Variants in SULT1A1 observed in about 807,000 individuals in gnomAD.
SULT1A1 encodes sulfotransferase family 1A member 1.
A neutral mutation model predicts 36.8 loss-of-function variants in SULT1A1; 35 were observed. The observed-to-expected ratio is 0.95, with a 90% CI of 0.73 to 1.26. SULT1A1 has a LOEUF of 1.26. SULT1A1 is among the 50% of genes most tolerant of loss of function. SULT1A1 has a pLI of 0.00. For missense variants in SULT1A1, 309 were observed against 383.0 expected (o/e 0.81, Z 1.61); for synonymous variants, 119 against 146.0 (o/e 0.82, Z 1.33).
At chr16:28,610,606 A>G (rs2047414742), upstream of SULT1A1, 1 of 192,014 alleles carries the variant, frequency 5.2e-6, no homozygotes, top group South Asian at 7.9e-5. Context: ...TGCATAGAAC[A>G]AGAAAGAACA....
chr16:28,607,032 A>G lies in SULT1A1; in HGVS notation c.418T>C (p.Tyr140His). The G allele has an allele frequency of 6.2e-7, 1 of 1,612,554 alleles. No individual in the cohort carries two copies. The change falls in exon 5 of 8, where the codon TAC becomes CAC. Residue 140 changes from tyrosine to histidine, a missense_variant. Tyr to His is a moderately conservative substitution (Grantham distance 83). Transcript: ENST00000314752. ...RNAKDVAVSY[Y>H]HFYHMAKVHP... is the part of the protein sequence containing the mutation. ...ACCTTGGCCATGTGGTAGAAGTGGTAGTAGGAAACTGCCACATCCTTTGCG... is the reference window on the plus strand; with the variant it reads ...ACCTTGGCCATGTGGTAGAAGTGGTGGTAGGAAACTGCCACATCCTTTGCG...
intron 1 of SULT1A1, chr16:28,609,263 AC>A: frequency 1.6e-6 from 2 of 1,246,442 alleles, no homozygotes; most frequent in Non-Finnish European, 2.1e-6. Context: ...TCCTGCTGGG[AC>A]CCCCAGCCTC....
At chr16:28,618,736 C>G (rs1466405869) in intron 2 of SULT1A1, among the ~76,000 whole-genome samples, 2 of 152,166 alleles carry the variant, frequency 1.3e-5, no homozygotes, top group Non-Finnish European at 2.9e-5. Context: ...CCCTTGGAAA[C>G]CTTCTCCTTC....
rs1298443872 is a variant in SULT1A1 at position 28,606,626 on chromosome 16, G to A, written c.594+135C>T. On this transcript the variant is annotated intron_variant, in intron 6 of 7. Transcript: ENST00000314752. ...GTGGGGCCTTAGTGGGGAGGCCTGG[G>A]CCAAGAAGGCAGGATGGGGAATCTG... 2.8e-6 allele frequency: 4 copies of A among 1,403,714 alleles called. No homozygotes were observed. In the South Asian group the frequency reaches 5.4e-5, roughly 19 times the overall value. The allele number at this position is 1,403,714 out of a possible 1,614,324, so 87.0% of individuals were successfully genotyped here. A position where few individuals can be genotyped will look rare whatever the true frequency, so the allele number is the denominator to read the frequency against.
upstream of SULT1A1, chr16:28,610,875 C>G (rs1484722188): frequency 6.6e-6 from 1 of 152,246 alleles, no homozygotes; most frequent in Non-Finnish European, 1.5e-5. Context: ...TCAAGCTGTG[C>G]ACGAGACAGG....
rs180689861 is a variant in SULT1A1 at position 28,608,508 on chromosome 16, G to A, written c.244C>T (p.Leu82Phe). The A allele has an allele frequency of 6.2e-7, 1 of 1,612,472 alleles. No individual in the cohort carries two copies. The change falls in exon 3 of 8, where the codon CTT (leucine) becomes TTT (phenylalanine). Residue 82 changes from leucine (L) to phenylalanine (F), a missense_variant. Around this residue, in one of 3 missense-constraint regions of SULT1A1, gnomAD observed 219 missense variants for 215.3 expected, o/e 1.02. Coordinates refer to ENST00000314752, the MANE Select transcript of SULT1A1 (RefSeq NM_001055.4). ...GGAATCCCTGGGGCTTTGAACTCAA[G>A]GAAGGGCACCCGCATGAAGATGGGA... is the stretch of plus-strand genomic sequence containing the variant. ...RAPIFMRVPFLEFKAPGIPSG... is the reference protein window; with the variant it reads ...RAPIFMRVPFFEFKAPGIPSG...
exon 2 of SULT1A1, chr16:28,620,069 G>A (rs1320889286): frequency 1.2e-6 from 2 of 1,612,104 alleles, no homozygotes; most frequent in African/African-American, 1.3e-5. Flanking sequence ...TTACCATATA[G>A]GTGTTCCAGA....
rs375616347 is a variant in SULT1A1, at chr16:28,608,517, C to T, written c.235G>A (p.Val79Met). Reference protein sequence around the residue: ...KCHRAPIFMRVPFLEFKAPGI... With the variant: ...KCHRAPIFMRMPFLEFKAPGI... The stretch of plus-strand genomic sequence containing the variant: ...GGGGCTTTGAACTCAAGGAAGGGCA[C>T]CCGCATGAAGATGGGAGCTCGGTGA... The change falls in exon 3 of 8, where the codon GTG becomes ATG. Residue 79 changes from valine to methionine, a missense_variant. By Grantham distance (21) the Val-to-Met change is conservative (BLOSUM62 1). This residue lies in a region of SULT1A1 where 219 missense variants were observed against 215.3 expected (regional missense o/e 1.02). Coordinates refer to ENST00000314752, the MANE Select transcript of SULT1A1 (RefSeq NM_001055.4). 1.3e-4 allele frequency: 209 copies of T among 1,612,342 alleles called. 5 individuals carry two copies. The highest frequency in any genetic ancestry group is 1.6e-4 in the Non-Finnish European group (193 of 1,178,700).
upstream of SULT1A1, chr16:28,610,302 C>G: frequency 1.0e-6 from 1 of 966,838 alleles, no homozygotes; most frequent in African/African-American, 2.0e-5. Flanking sequence ...CGAGCTGTCA[C>G]TGGGCTCCTG....
chr16:28,609,310 A>G lies in SULT1A1; in HGVS notation c.-4-451T>C, dbSNP rs925722606. 3.4e-5 allele frequency: 44 copies of G among 1,278,966 alleles called. 1 individual carries two copies. The highest frequency in any genetic ancestry group is 6.0e-5 in the African/African-American group (4 of 66,348). The allele number at this position is 1,278,966 out of a possible 1,614,324, so 79.2% of individuals were successfully genotyped here. On this transcript the variant is annotated intron_variant, in intron 1 of 7. Coordinates refer to ENST00000314752, the MANE Select transcript of SULT1A1 (RefSeq NM_001055.4). Reference sequence around the variant, plus strand: ...AGATGCTCCCCTCCTTGAGCCCCTCAGCCCCTCACATGTGGAAACCGCCCA... The same window carrying G: ...AGATGCTCCCCTCCTTGAGCCCCTCGGCCCCTCACATGTGGAAACCGCCCA...
chr16:28,620,025 A>T lies in SULT1A1; in HGVS notation c.138+38T>A, dbSNP rs765270532. On this transcript the variant is annotated intron_variant, in intron 2 of 5. Transcript: ENST00000350842. ...TGTGTGTGTGTGTATATACACACAC[A>T]AAAAGATACTGATAACATTTTCAAA... 6 of 1,580,368 alleles carry T rather than the reference A, an allele frequency of 3.8e-6. No individual in the cohort carries two copies. In the Admixed American group the frequency reaches 8.4e-5, roughly 22 times the overall value.
chr16:28,608,997 G>A, intron 1 of SULT1A1, 138 bp from the exon 2 acceptor site: 6 of 1,558,460 alleles, frequency 3.8e-6, no homozygotes, highest in Non-Finnish European at 5.2e-6. Flanking sequence ...CCACTCAGTG[G>A]CGGGGCTGGG....
In SULT1A1 at chr16:28,608,824, G is replaced by A. The variant is rs773975849; in HGVS notation, c.32C>T (p.Pro11Leu). MELIQDTSRP[P>L]LEYVKGVPLI... is the part of the protein sequence containing the mutation. The stretch of plus-strand genomic sequence containing the variant: ...CGGGACCCCCTTCACGTACTCCAGT[G>A]GCGGGCGGGAGGTGTCCTGGATCAG... The change falls in exon 2 of 8, where the codon CCA becomes CTA. Residue 11 changes from proline (P) to leucine (L), a missense_variant. Physicochemically the swap from Pro to Leu is moderately conservative, Grantham distance 98 (BLOSUM62 -3). Transcript: ENST00000314752. The A allele has an allele frequency of 3.7e-6, 6 of 1,611,850 alleles. 1 individual carries two copies. Among genetic ancestry groups the A allele is most frequent in the Non-Finnish European group, 5.1e-6 (6 of 1,179,510 alleles).
intron 1 of SULT1A1, among the ~76,000 whole-genome samples, chr16:28,622,373 T>C (rs1052063618): frequency 6.6e-6 from 1 of 152,158 alleles, no homozygotes; most frequent in African/African-American, 2.4e-5. Context: ...GTAGAGAAGG[T>C]TTCCACAGTC....
At chr16:28,623,318 G>C in exon 1 of SULT1A1, 2 of 1,528,542 alleles carry the variant, frequency 1.3e-6, no homozygotes, top group Non-Finnish European at 1.7e-6. Flanking sequence ...AGTCGGCCTA[G>C]CGGCCCTGCA....
At chr16:28,620,187 A>G (rs1596655124) in intron 1 of SULT1A1, 2 of 1,541,768 alleles carry the variant, frequency 1.3e-6, no homozygotes, top group East Asian at 2.3e-5. Context: ...GTACTGTATA[A>G]CAGTTCATGT....
intron 2 of SULT1A1, chr16:28,619,993 T>TTGTG (rs113783918): frequency 0.062 from 63,026 of 1,018,710 alleles, 101 homozygotes; most frequent in East Asian, 0.16. Flanking sequence ...GTATTGTATA[T>TTGTG]TGTGTGTGTG....
chr16:28,621,938 C>G (rs777199654), intron 1 of SULT1A1, among the ~76,000 whole-genome samples: 2 of 152,150 alleles, frequency 1.3e-5, no homozygotes, highest in Middle Eastern at 3.2e-3. Context: ...CCTGTTCTTC[C>G]CCAGCCCTGG....
At chr16:28,612,028 CA>C (rs1371040147), upstream of SULT1A1, 1 of 770 alleles carries the variant, frequency 1.3e-3, no homozygotes, top group Non-Finnish European at 4.7e-3. Context: ...AAAAACAAAA[CA>C]AAACAAAAAA....
Sources: gnomAD v4.1 joint callset for allele counts (sites outside exome capture counted in the v4.1 genomes callset) on GRCh38, gnomAD v4.1.1 for gene constraint, gnomAD v4.1.1 regional missense constraint, MANE v1.5 for transcripts, NCBI Gene and HGNC (gene_info 2026-07-23, HGNC 2026-07-21) for gene names.